GLRB: variants seen among roughly 807,000 people sequenced by gnomAD.
The protein encoded by GLRB is glycine receptor subunit beta.
In GLRB, 33 loss-of-function variants were observed where a neutral mutation model predicts 54.2. That is an observed-to-expected ratio of 0.61 (90% CI 0.46 to 0.81). GLRB has a LOEUF of 0.81. Among genes scored for constraint, GLRB ranks in the 40% least tolerant of loss-of-function variants. The pLI is 0.00. For synonymous variants in GLRB, 209 were observed against 208.2 expected, an observed-to-expected ratio of 1.00 and a Z score of -0.03; for missense variants, 572 against 584.6, an observed-to-expected ratio of 0.98 and a Z score of 0.22.
chr4:157,157,051 G>A (rs996575710), intron 9 of GLRB, among the ~76,000 whole-genome samples: 3 of 152,096 alleles, frequency 2.0e-5, no homozygotes, highest in Non-Finnish European at 4.4e-5. Flanking sequence ...GCGAGATTGG[G>A]GGTCACCAGT....
intron 2 of GLRB, among the ~76,000 whole-genome samples, chr4:157,081,237 G>C (rs1037371414): frequency 1.3e-5 from 2 of 152,108 alleles, no homozygotes; most frequent in Non-Finnish European, 2.9e-5. Context: ...GCTTACATTT[G>C]ACATTGCCTT....
At chr4:157,112,485 C>T (rs1373071021) in intron 2 of GLRB, among the ~76,000 whole-genome samples, 1 of 151,934 alleles carries the variant, frequency 6.6e-6, no homozygotes, top group Non-Finnish European at 1.5e-5. Flanking sequence ...TGGTAAAGCT[C>T]CTTAAGGAAA....
At chr4:157,141,197 A>C (rs1014451651) in intron 7 of GLRB, among the ~76,000 whole-genome samples, 18 of 151,958 alleles carry the variant, frequency 1.2e-4, no homozygotes, top group African/African-American at 3.9e-4. Flanking sequence ...ATTCACTGAA[A>C]TCTCATTAGC....
Position 157,098,796 on chromosome 4 carries a change from C to T in GLRB, c.122+20650C>T, listed in dbSNP as rs539558302. Among the ~76,000 whole-genome samples the T allele has an allele frequency of 1.3e-4, 19 of 151,836 alleles. No individual in the cohort carries two copies. The South Asian group carries it at 2.7e-3, about 22-fold the overall frequency. ...ATTTTTTTTGTATTTTTAATAGAGA[C>T]GGGGTTTCACCATGTTGGCCAGACT... is the stretch of plus-strand genomic sequence containing the variant. On this transcript the variant is annotated intron_variant, in intron 2 of 9. Transcript: ENST00000264428.
chr4:157,141,569 C>T (rs1736612219), intron 7 of GLRB, among the ~76,000 whole-genome samples: 1 of 151,826 alleles, frequency 6.6e-6, no homozygotes, highest in African/African-American at 2.4e-5. Context: ...TACAAAAATA[C>T]TCAAATTGGA....
chr4:157,165,332 G>A (rs1737665493), intron 9 of GLRB, among the ~76,000 whole-genome samples: 1 of 151,624 alleles, frequency 6.6e-6, no homozygotes, highest in Non-Finnish European at 1.5e-5. Flanking sequence ...TTAAACTTTT[G>A]GTTTCAAAAT....
chr4:157,141,112 G>T (rs1736594250), intron 7 of GLRB, among the ~76,000 whole-genome samples: 2 of 151,884 alleles, frequency 1.3e-5, no homozygotes, highest in South Asian at 4.1e-4. Context: ...GGTGTGCTAT[G>T]GTATTTGGGT....
chr4:157,093,539 G>A (rs1024761024), intron 2 of GLRB, among the ~76,000 whole-genome samples: 1 of 151,964 alleles, frequency 6.6e-6, no homozygotes, highest in East Asian at 1.9e-4. Context: ...AAGAGATCAC[G>A]AGGTCAAGAG....
At chr4:157,089,752 A>T (rs1734543280) in intron 2 of GLRB, among the ~76,000 whole-genome samples, 1 of 151,954 alleles carries the variant, frequency 6.6e-6, no homozygotes, top group African/African-American at 2.4e-5. Context: ...CTATATCTTT[A>T]TCTCTATATG....
intron 2 of GLRB, chr4:157,091,333 T>G (rs1330439506): frequency 6.6e-6 from 1 of 152,192 alleles, no homozygotes; most frequent in Non-Finnish European, 1.5e-5. Context: ...TCTTTTAAAA[T>G]TCTTGTTTTT....
intron 9 of GLRB, among the ~76,000 whole-genome samples, chr4:157,158,858 A>G (rs909403983): frequency 1.7e-4 from 25 of 151,250 alleles, no homozygotes; most frequent in African/African-American, 5.2e-4. Flanking sequence ...GTTTTTTCCA[A>G]TTCTATGAAG....
At chr4:157,133,223 C>T (rs756787786) in intron 4 of GLRB, among the ~76,000 whole-genome samples, 2 of 151,782 alleles carry the variant, frequency 1.3e-5, no homozygotes, top group South Asian at 2.1e-4. Context: ...TGTGAGTACT[C>T]ACTTGGGGCC....
chr4:157,147,444 A>G (rs1736854607), intron 8 of GLRB, among the ~76,000 whole-genome samples: 1 of 150,828 alleles, frequency 6.6e-6, no homozygotes, highest in South Asian at 2.1e-4. Context: ...GCCTGATTGG[A>G]CTGGCTTCAG....
chr4:157,103,974 T>C (rs1255843687), intron 2 of GLRB, among the ~76,000 whole-genome samples: 1 of 151,898 alleles, frequency 6.6e-6, no homozygotes, highest in East Asian at 1.9e-4. Context: ...GTCTTTAGAG[T>C]TTCCTTTATA....
In GLRB at chr4:157,121,585, A is replaced by G. The variant is rs560130879; in HGVS notation, c.230-745A>G. The stretch of plus-strand genomic sequence containing the variant: ...CAGGACCTATTCAGTTACTTTCAAC[A>G]ACAGCCATGGTCTGGGTTGTCACAT... On this transcript the variant is annotated intron_variant, in intron 3 of 9. Coordinates refer to ENST00000264428, the MANE Select transcript of GLRB (RefSeq NM_000824.5). 2.2e-3 allele frequency among the ~76,000 whole-genome samples: 331 copies of G among 151,690 alleles called. 1 individual carries two copies. The highest frequency in any genetic ancestry group is 7.7e-3 in the African/African-American group (317 of 41,434).
At chr4:157,138,295 C>G (rs1361994972) in intron 6 of GLRB, among the ~76,000 whole-genome samples, 1 of 152,028 alleles carries the variant, frequency 6.6e-6, no homozygotes, top group African/African-American at 2.4e-5. Context: ...AGGCTGGTCT[C>G]GAACTCCTGA....
At chr4:157,097,442 T>C (rs148772429) in intron 2 of GLRB, among the ~76,000 whole-genome samples, 1 of 152,294 alleles carries the variant, frequency 6.6e-6, no homozygotes, top group Non-Finnish European at 1.5e-5. Context: ...AGCCTAAGAA[T>C]TGAACTATTA....
intron 2 of GLRB, chr4:157,084,817 C>G: frequency 2.7e-6 from 1 of 377,160 alleles, no homozygotes; most frequent in Non-Finnish European, 5.2e-6. Context: ...ACTGTTTTGT[C>G]TCCTTTATCT....
intron 2 of GLRB, among the ~76,000 whole-genome samples, chr4:157,118,461 A>T (rs1735685827): frequency 6.6e-6 from 1 of 151,650 alleles, no homozygotes; most frequent in African/African-American, 2.4e-5. Flanking sequence ...ACCTGCAATT[A>T]ATTGGAAAAT....
Sources: allele counts gnomAD v4.1 joint callset (sites outside exome capture counted in the v4.1 genomes callset), GRCh38; gene constraint gnomAD v4.1.1; transcripts MANE v1.5; gene names NCBI Gene and HGNC (gene_info 2026-07-23, HGNC 2026-07-21).